The following ROBO2 variants were observed in gnomAD, a reference collection of about 807,000 sequenced individuals.
ROBO2 encodes the protein roundabout guidance receptor 2.
A neutral mutation model predicts 160.8 loss-of-function variants in ROBO2; 53 were observed. The observed-to-expected ratio is 0.33, with a 90% CI of 0.26 to 0.41. The LOEUF is 0.41. ROBO2 is among the 10% of genes least tolerant of loss of function. The pLI is 1.00. For synonymous variants in ROBO2, 664 were observed against 611.7 expected (o/e 1.09, Z -1.26); for missense variants, 1,577 against 1,722.4 (o/e 0.92, Z 1.49).
intron 2 of ROBO2, among the ~76,000 whole-genome samples, chr3:76,165,639 G>C (rs763274544): frequency 4.6e-5 from 7 of 152,100 alleles, no homozygotes; most frequent in Non-Finnish European, 8.8e-5. Context: ...GCTGTTGATT[G>C]CCTGCCTTAC....
chr3:76,289,964 G>C (rs1179197908), intron 2 of ROBO2, among the ~76,000 whole-genome samples: 3 of 152,054 alleles, frequency 2.0e-5, no homozygotes, highest in Non-Finnish European at 4.4e-5. Flanking sequence ...GGATTTATTT[G>C]ATTAGTCAGG....
At chr3:76,010,786 G>A (rs893399595) in intron 2 of ROBO2, among the ~76,000 whole-genome samples, 1 of 152,172 alleles carries the variant, frequency 6.6e-6, no homozygotes, top group Non-Finnish European at 1.5e-5. Flanking sequence ...GGAGAAAAGT[G>A]TTGAAATGAA....
At chr3:77,219,434 G>GTGTA (rs1553852643) in intron 2 of ROBO2, among the ~76,000 whole-genome samples, 2,337 of 115,238 alleles carry the variant, frequency 0.02, 23 homozygotes, top group Middle Eastern at 0.025. Flanking sequence ...GTATGTGTGT[G>GTGTA]TATATATATA....
chr3:77,550,626 T>C (rs1183560153), intron 7 of ROBO2, among the ~76,000 whole-genome samples, 192 bp from the exon 9 acceptor site: 1 of 152,060 alleles, frequency 6.6e-6, no homozygotes, highest in Admixed American at 6.6e-5. Context: ...TTAGAGGATA[T>C]TATTCCACCA....
intron 2 of ROBO2, among the ~76,000 whole-genome samples, chr3:76,304,912 G>A (rs533413898): frequency 6.6e-6 from 1 of 151,422 alleles, no homozygotes; most frequent in South Asian, 2.1e-4. Context: ...GCACTCAAGC[G>A]GGGTAAATCC....
At chr3:76,376,481 G>A (rs557694157) in intron 2 of ROBO2, among the ~76,000 whole-genome samples, 2 of 152,134 alleles carry the variant, frequency 1.3e-5, no homozygotes, top group Non-Finnish European at 2.9e-5. Context: ...TCAGCTAGAT[G>A]TAGAGTAGTA....
At chr3:76,876,386 A>G (rs911756598) in intron 2 of ROBO2, among the ~76,000 whole-genome samples, 26 of 152,148 alleles carry the variant, frequency 1.7e-4, no homozygotes, top group Non-Finnish European at 5.9e-5. Flanking sequence ...TATAAAGAGT[A>G]TCTTAAGGGT....
intron 2 of ROBO2, among the ~76,000 whole-genome samples, chr3:76,437,940 G>A (rs781611713): frequency 5.3e-5 from 8 of 152,104 alleles, no homozygotes; most frequent in Non-Finnish European, 1.0e-4. Context: ...CATGGGAAGG[G>A]TACTGCTGCC....
chr3:76,042,212 A>C (rs1212297640), intron 2 of ROBO2, among the ~76,000 whole-genome samples: 2 of 152,064 alleles, frequency 1.3e-5, no homozygotes, highest in African/African-American at 4.8e-5. Flanking sequence ...TGATTAGTAC[A>C]TTAACATAAT....
intron 2 of ROBO2, among the ~76,000 whole-genome samples, chr3:76,800,126 C>T (rs1272485426): frequency 1.3e-5 from 2 of 152,140 alleles, no homozygotes; most frequent in Non-Finnish European, 2.9e-5. Context: ...GGAGAAAGGA[C>T]AGTTTATTCA....
intron 2 of ROBO2, among the ~76,000 whole-genome samples, chr3:76,239,584 T>C (rs1278343065): frequency 6.6e-6 from 1 of 152,180 alleles, no homozygotes; most frequent in Non-Finnish European, 1.5e-5. Flanking sequence ...GTGTGTTTTA[T>C]AGCACATGAT....
chr3:76,711,407 C>T (rs2093291472), intron 2 of ROBO2, among the ~76,000 whole-genome samples: 1 of 152,156 alleles, frequency 6.6e-6, no homozygotes, highest in African/African-American at 2.4e-5. Flanking sequence ...TACAACGAAA[C>T]GTGAGATTTG....
intron 2 of ROBO2, among the ~76,000 whole-genome samples, chr3:76,536,192 C>T (rs540094204): frequency 6.6e-6 from 1 of 152,168 alleles, no homozygotes; most frequent in Non-Finnish European, 1.5e-5. Context: ...GTGCTGAAGG[C>T]GTGGCTGAGG....
chr3:77,020,809 A>G (rs1258628562), intron 2 of ROBO2, among the ~76,000 whole-genome samples: 4 of 152,228 alleles, frequency 2.6e-5, no homozygotes, highest in Non-Finnish European at 5.9e-5. Context: ...AGTAAGATAT[A>G]GTTTATGTAC....
chr3:76,056,853 T>G (rs1028188333), intron 2 of ROBO2, among the ~76,000 whole-genome samples: 1 of 152,222 alleles, frequency 6.6e-6, no homozygotes, highest in African/African-American at 2.4e-5. Flanking sequence ...ATGTCAGATG[T>G]AGTAAATTGC....
At chr3:77,416,881 G>A (rs1281714618) in intron 2 of ROBO2, among the ~76,000 whole-genome samples, 1 of 152,148 alleles carries the variant, frequency 6.6e-6, no homozygotes, top group Non-Finnish European at 1.5e-5. Context: ...TGAGGTTGCT[G>A]TTTGGGGTAA....
At chr3:76,434,916 C>A in intron 2 of ROBO2, 3 of 1,600,668 alleles carry the variant, frequency 1.9e-6, no homozygotes, top group South Asian at 2.2e-5. Flanking sequence ...ACCTAAACCC[C>A]AAACCAGCCC....
At chr3:76,637,511 A>G (rs1371505204) in intron 2 of ROBO2, among the ~76,000 whole-genome samples, 6 of 152,042 alleles carry the variant, frequency 3.9e-5, no homozygotes, top group Non-Finnish European at 8.8e-5. Context: ...TTGTGTGTAT[A>G]TATGGCGGGG....
intron 2 of ROBO2, among the ~76,000 whole-genome samples, chr3:76,202,698 T>C (rs534828019): frequency 6.6e-6 from 1 of 152,186 alleles, no homozygotes; most frequent in African/African-American, 2.4e-5. Context: ...TCCTGTGTAG[T>C]TATGGGTGTG....
Sources: allele counts gnomAD v4.1 joint callset (sites outside exome capture counted in the v4.1 genomes callset), GRCh38; gene constraint gnomAD v4.1.1; transcripts MANE v1.5; gene names NCBI Gene and HGNC (gene_info 2026-07-23, HGNC 2026-07-21).